The following ANAPC4 variants were observed in gnomAD, a reference collection of about 807,000 sequenced individuals.
ANAPC4 encodes the protein anaphase-promoting complex subunit 4.
A neutral mutation model predicts 119.8 loss-of-function variants in ANAPC4; 63 were observed. The ratio of observed to expected loss-of-function variants is 0.53; its 90% CI spans 0.43 to 0.65. The LOEUF (loss-of-function observed/expected upper bound fraction) is 0.65. Among genes scored for constraint, ANAPC4 ranks in the 30% least tolerant of loss-of-function variants. The probability of loss-of-function intolerance (pLI) is 0.00; values close to 1 mark genes in which losing one functional copy is unlikely to be tolerated. For missense variants in ANAPC4, 716 were observed against 945.1 expected, an observed-to-expected ratio of 0.76 and a Z score of 3.18; for synonymous variants, 283 against 318.6, an observed-to-expected ratio of 0.89 and a Z score of 1.19.
intron 3 of ANAPC4, among the ~76,000 whole-genome samples, chr4:25,381,084 A>G (rs571750169): frequency 6.6e-6 from 1 of 152,230 alleles, no homozygotes; most frequent in Non-Finnish European, 1.5e-5. Flanking sequence ...GTACACATAC[A>G]ATCAGCACAG....
Position 25,394,815 on chromosome 4 carries a change from C to T in ANAPC4, c.985-14C>T. ...CCTGATTGTATGCTAAATATATTTT[C>T]CTTTTTTAATTAGGGCTTGAAAAAG... is the stretch of plus-strand genomic sequence containing the variant. On this transcript the variant is annotated splice_polypyrimidine_tract_variant and intron_variant, in intron 13 of 28. Transcript: ENST00000315368. 6.2e-7 allele frequency: 1 copy of T among 1,606,184 alleles called. No individual in the cohort carries two copies. The highest frequency in any genetic ancestry group is 8.5e-7 in the Non-Finnish European group (1 of 1,176,742).
At chr4:25,377,762 C>T (rs2109105369) in intron 2 of ANAPC4, among the ~76,000 whole-genome samples, 1 of 152,350 alleles carries the variant, frequency 6.6e-6, no homozygotes, top group East Asian at 1.9e-4. Context: ...GATGTCTGTG[C>T]TATTTTCGGT....
rs767534015 is a variant in ANAPC4 at position 25,380,354 on chromosome 4, T to C, written c.130-20T>C. 2 of 1,569,102 alleles carry C rather than the reference T, an allele frequency of 1.3e-6. No individual in the cohort carries two copies. The highest frequency in any genetic ancestry group is 1.7e-6 in the Non-Finnish European group (2 of 1,152,722). ...GAAATGAATTTTTAATTTCCTGCCA[T>C]TATATCTGCTTTGTCTTAGGTTTTA... On this transcript the variant is annotated intron_variant, in intron 2 of 28. Transcript: ENST00000315368.
intron 4 of ANAPC4, 69 bp from the exon 5 acceptor site, chr4:25,388,431 A>G (rs755668337): frequency 9.6e-6 from 10 of 1,046,722 alleles, no homozygotes; most frequent in Non-Finnish European, 1.5e-5. Context: ...TTTAAAAATT[A>G]GCATTTTTAA....
chr4:25,383,801 T>C (rs1183942457), intron 4 of ANAPC4, among the ~76,000 whole-genome samples: 1 of 152,222 alleles, frequency 6.6e-6, no homozygotes, highest in Non-Finnish European at 1.5e-5. Context: ...CTAACGATCA[T>C]CTGAGCTTTT....
intron 12 of ANAPC4, 143 bp from the exon 13 acceptor site, chr4:25,394,528 T>G: frequency 9.7e-7 from 1 of 1,033,642 alleles, no homozygotes; most frequent in Non-Finnish European, 1.4e-6. Flanking sequence ...ACGGGGTATA[T>G]GTGATGTTAC....
chr4:25,408,707 C>T (rs1056833578), intron 20 of ANAPC4, among the ~76,000 whole-genome samples: 3 of 151,918 alleles, frequency 2.0e-5, no homozygotes, highest in African/African-American at 4.8e-5. Flanking sequence ...CCATGTTGCC[C>T]AGGCTGGTCT....
At chr4:25,380,257 A>T in intron 2 of ANAPC4, 117 bp from the exon 3 acceptor site, 1 of 573,256 alleles carries the variant, frequency 1.7e-6, no homozygotes, top group Non-Finnish European at 3.0e-6. Flanking sequence ...TATTCTTCTG[A>T]TAGCTAAGTA....
At position 25,418,407 on chromosome 4, in the gene ANAPC4, T is replaced by C. The variant is rs377449435; in HGVS notation, c.*25T>C. 6 of 1,600,800 alleles carry C rather than the reference T, an allele frequency of 3.7e-6. No homozygotes were observed. In the African/African-American group the frequency reaches 6.7e-5, roughly 18 times the overall value. On this transcript the variant is annotated 3_prime_UTR_variant, in exon 29 of 29. Transcript: ENST00000315368. ...ATCTAGCTTGCCATTATTGTGTGTG[T>C]AATTATGGCCAAAAGGACATAGGAG...
At position 25,380,784 on chromosome 4, in the gene ANAPC4, GTAT is replaced by G. The variant is rs1560427328; in HGVS notation, c.235+310_235+312del. Among the ~76,000 whole-genome samples the G allele has an allele frequency of 5.3e-5, 8 of 152,304 alleles. No individual in the cohort carries two copies. The South Asian group carries it at 1.7e-3, about 32-fold the overall frequency. On this transcript the variant is annotated intron_variant, in intron 3 of 28. Coordinates refer to ENST00000315368, the MANE Select transcript of ANAPC4 (RefSeq NM_013367.3). ...GTTCTTTCCACTGTCATCTTGTCCT[GTAT>G]TATTTGGCCCAAGCACCACTTGCCA... is the stretch of plus-strand genomic sequence containing the variant.
intron 16 of ANAPC4, among the ~76,000 whole-genome samples, chr4:25,398,236 G>T (rs904675569): frequency 3.9e-5 from 6 of 152,100 alleles, no homozygotes; most frequent in Admixed American, 3.9e-4. Flanking sequence ...GTAAACATTT[G>T]TTGAGCACTT....
intron 5 of ANAPC4, 32 bp from the exon 6 acceptor site, chr4:25,388,685 T>C (rs748777740): frequency 6.3e-6 from 10 of 1,588,130 alleles, no homozygotes; most frequent in Middle Eastern, 1.7e-4. Flanking sequence ...TTACTAAGAG[T>C]ATTTTTTACC....
At chr4:25,411,895 A>G (rs747006208) in intron 21 of ANAPC4, among the ~76,000 whole-genome samples, 3 of 152,180 alleles carry the variant, frequency 2.0e-5, no homozygotes, top group Non-Finnish European at 4.4e-5. Context: ...CTACAATTCA[A>G]TTCTGACACG....
rs75733534 is a variant in ANAPC4, at chr4:25,409,172, C to T, written c.1432-526C>T. Among the ~76,000 whole-genome samples the T allele has an allele frequency of 7.2e-4, 110 of 152,236 alleles. 3 individuals are homozygous for T. The East Asian group carries it at 0.02, about 27-fold the overall frequency. ...AAAGCATCTTGGGGATTCCCAGGGGCTTGTGGATCTCACTTGAAGAACAAC... is the reference window on the plus strand; with the variant it reads ...AAAGCATCTTGGGGATTCCCAGGGGTTTGTGGATCTCACTTGAAGAACAAC... On this transcript the variant is annotated intron_variant, in intron 20 of 28. Transcript: ENST00000315368.
intron 4 of ANAPC4, among the ~76,000 whole-genome samples, chr4:25,385,098 G>A (rs1406432691): frequency 6.6e-6 from 1 of 152,130 alleles, no homozygotes; most frequent in East Asian, 1.9e-4. Context: ...ATTGTTAAGG[G>A]CTGTAGGATT....
chr4:25,389,629 A>G (rs1722230847), intron 7 of ANAPC4, among the ~76,000 whole-genome samples: 1 of 152,064 alleles, frequency 6.6e-6, no homozygotes. Context: ...CAATATATAG[A>G]CCTTAATATC....
At chr4:25,388,299 T>TC (rs1560432078) in intron 4 of ANAPC4, among the ~76,000 whole-genome samples, 3 of 121,862 alleles carry the variant, frequency 2.5e-5, no homozygotes, top group Admixed American at 8.5e-5. Context: ...ATGTTTTTTT[T>TC]CCCCTAAAAT....
At chr4:25,379,622 A>G (rs940134469) in intron 2 of ANAPC4, among the ~76,000 whole-genome samples, 3 of 152,200 alleles carry the variant, frequency 2.0e-5, no homozygotes, top group Non-Finnish European at 4.4e-5. Context: ...TTTCATGATG[A>G]CACCTGACCA....
chr4:25,396,313 C>T (rs1231309407), intron 14 of ANAPC4, among the ~76,000 whole-genome samples: 3 of 152,142 alleles, frequency 2.0e-5, no homozygotes, highest in Non-Finnish European at 2.9e-5. Context: ...GTATATAGCA[C>T]GGTACCTGAC....
Sources: gnomAD v4.1 joint callset for allele counts (sites outside exome capture counted in the v4.1 genomes callset) on GRCh38, gnomAD v4.1.1 for gene constraint, MANE v1.5 for transcripts, NCBI Gene and HGNC (gene_info 2026-07-23, HGNC 2026-07-21) for gene names.